Variants in CD86 observed in about 807,000 individuals in gnomAD.
CD86 encodes the protein CD86 molecule.
CD86 carries 11 observed loss-of-function variants against 32.1 expected under a neutral mutation model. The ratio of observed to expected loss-of-function variants is 0.34; its 90% CI spans 0.22 to 0.57. The LOEUF (loss-of-function observed/expected upper bound fraction) is 0.57. Ranked by LOEUF, CD86 falls within the 20% of genes least tolerant of loss-of-function variation. The pLI, the probability that CD86 is intolerant of heterozygous loss-of-function variation, is 0.86. For synonymous variants in CD86, 137 were observed against 135.3 expected, an observed-to-expected ratio of 1.01 and a Z score of -0.09; for missense variants, 359 against 398.4, an observed-to-expected ratio of 0.90 and a Z score of 0.84.
intron 2 of CD86, among the ~76,000 whole-genome samples, chr3:122,093,281 C>G (rs1343446300): frequency 6.6e-6 from 1 of 152,144 alleles, no homozygotes; most frequent in Non-Finnish European, 1.5e-5. Context: ...CTCAGCCTCC[C>G]CAAGTGCTAG....
In CD86 at chr3:122,119,638, A is replaced by G. The variant is rs2073312991; in HGVS notation, c.*104A>G. The G allele has an allele frequency of 2.8e-6, 2 of 707,678 alleles. No individual in the cohort carries two copies. Among genetic ancestry groups the G allele is most frequent in the South Asian group, 3.4e-5 (2 of 58,102 alleles). The allele number at this position is 707,678 out of a possible 1,614,324, so 43.8% of individuals were successfully genotyped here. The stretch of plus-strand genomic sequence containing the variant: ...TTCCAGAAGGCAAAAAGACATTACC[A>G]TGAGTAATAAGGGGGCTCCAGGACT... On this transcript the variant is annotated 3_prime_UTR_variant, in exon 7 of 7. Coordinates refer to ENST00000330540, the MANE Select transcript of CD86 (RefSeq NM_175862.5).
intron 5 of CD86, among the ~76,000 whole-genome samples, chr3:122,113,518 T>C (rs570461496): frequency 6.6e-6 from 1 of 152,338 alleles, no homozygotes; most frequent in Admixed American, 6.5e-5. Context: ...CAACATCTAT[T>C]ATTTTTTGAT....
Position 122,119,606 on chromosome 3 carries a change from T to A in CD86, c.*72T>A, listed in dbSNP as rs1189473360. On this transcript the variant is annotated 3_prime_UTR_variant, in exon 7 of 7. Transcript: ENST00000330540. ...TTTGTAAGTTCCTGGGCAACCTTTT[T>A]GATTTCTTCCAGAAGGCAAAAAGAC... 4.1e-6 allele frequency: 4 copies of A among 973,826 alleles called. No individual in the cohort carries two copies. The highest frequency in any genetic ancestry group is 6.5e-6 in the Non-Finnish European group (4 of 619,836). 60.3% of individuals were successfully genotyped at this position (973,826 alleles called of 1,614,324 possible). A position where few individuals can be genotyped will look rare whatever the true frequency, so the allele number is the denominator to read the frequency against.
chr3:122,084,666 T>A (rs1246893593), intron 1 of CD86, among the ~76,000 whole-genome samples: 9 of 152,126 alleles, frequency 5.9e-5, no homozygotes. Flanking sequence ...CTCGGGGTAG[T>A]GGGACATCTT....
chr3:122,061,553 T>C (rs2072335527), intron 1 of CD86, among the ~76,000 whole-genome samples: 1 of 151,996 alleles, frequency 6.6e-6, no homozygotes, highest in African/African-American at 2.4e-5. Context: ...GCAAAAGATA[T>C]AAAAAGACAT....
intron 2 of CD86, among the ~76,000 whole-genome samples, chr3:122,101,982 A>G (rs895170377): frequency 4.6e-5 from 7 of 152,018 alleles, no homozygotes; most frequent in African/African-American, 1.7e-4. Flanking sequence ...GAGTGTAGTG[A>G]AATAGGCAGT....
chr3:122,112,546 A>C (rs1400302031), intron 5 of CD86, among the ~76,000 whole-genome samples: 2 of 152,066 alleles, frequency 1.3e-5, no homozygotes, highest in Non-Finnish European at 2.9e-5. Flanking sequence ...CGATCTCTTG[A>C]CCTCGTGATC....
chr3:122,115,683 T>C (rs1316331706), intron 5 of CD86, among the ~76,000 whole-genome samples: 1 of 131,318 alleles, frequency 7.6e-6, no homozygotes, highest in Admixed American at 9.8e-5. Context: ...GAGGTTGCTG[T>C]GAGCTGAGAT....
chr3:122,073,968 C>A (rs1327270745), intron 1 of CD86, among the ~76,000 whole-genome samples: 2 of 152,182 alleles, frequency 1.3e-5, no homozygotes, highest in Non-Finnish European at 2.9e-5. Context: ...TCCTTTCCTG[C>A]AGCCCAGTCA....
At chr3:122,055,540 G>C in intron 1 of CD86, 37 bp downstream of exon 1, 3 of 1,604,634 alleles carry the variant, frequency 1.9e-6, no homozygotes, top group Non-Finnish European at 2.6e-6. Context: ...GAGAAGTTAT[G>C]AGTTGTGACT....
intron 2 of CD86, among the ~76,000 whole-genome samples, chr3:122,099,567 C>T (rs1159371676): frequency 6.6e-6 from 1 of 152,106 alleles, no homozygotes; most frequent in Non-Finnish European, 1.5e-5. Context: ...GCTCAATTGC[C>T]CAGTTGTAAG....
chr3:122,068,638 G>A (rs148954179), intron 1 of CD86, among the ~76,000 whole-genome samples: 3 of 152,282 alleles, frequency 2.0e-5, no homozygotes, highest in African/African-American at 7.2e-5. Flanking sequence ...GACATCACAG[G>A]TGTTGGTAGT....
intron 1 of CD86, among the ~76,000 whole-genome samples, chr3:122,088,873 T>A (rs539438095): frequency 6.6e-6 from 1 of 152,218 alleles, no homozygotes; most frequent in African/African-American, 2.4e-5. Context: ...GAGATATTCA[T>A]ACAGCCTTGT....
At chr3:122,097,976 G>A (rs1037144326) in intron 2 of CD86, among the ~76,000 whole-genome samples, 3 of 152,190 alleles carry the variant, frequency 2.0e-5, no homozygotes, top group African/African-American at 7.2e-5. Context: ...GCGGGAGGCT[G>A]AGATCTTGAT....
At chr3:122,072,125 A>G (rs2107508147) in intron 1 of CD86, among the ~76,000 whole-genome samples, 1 of 150,182 alleles carries the variant, frequency 6.7e-6, no homozygotes, top group South Asian at 2.1e-4. Context: ...AATCCAGTCT[A>G]TCATTGTTGG....
chr3:122,067,614 C>G (rs2072433013), intron 1 of CD86, among the ~76,000 whole-genome samples: 1 of 152,176 alleles, frequency 6.6e-6, no homozygotes, highest in Non-Finnish European at 1.5e-5. Context: ...TGCAGTCCAC[C>G]AAATGCAAAG....
chr3:122,064,358 AGATCTTCAG>A (rs2072383571), intron 1 of CD86, among the ~76,000 whole-genome samples: 1 of 152,210 alleles, frequency 6.6e-6, no homozygotes, highest in Admixed American at 6.5e-5. Context: ...TAAAATTGCC[AGATCTTCAG>A]TACAATTACA....
At chr3:122,071,712 T>G (rs1270729265) in intron 1 of CD86, among the ~76,000 whole-genome samples, 1 of 150,510 alleles carries the variant, frequency 6.6e-6, no homozygotes, top group Non-Finnish European at 1.5e-5. Flanking sequence ...TTTTACCATT[T>G]TGCATTCTTT....
At chr3:122,068,352 A>G (rs1257282720) in intron 1 of CD86, among the ~76,000 whole-genome samples, 1 of 149,068 alleles carries the variant, frequency 6.7e-6, no homozygotes, top group East Asian at 1.9e-4. Context: ...GCACACATAG[A>G]AAAAAAAAAT....
Sources: allele counts gnomAD v4.1 joint callset (sites outside exome capture counted in the v4.1 genomes callset), GRCh38; gene constraint gnomAD v4.1.1; transcripts MANE v1.5; gene names NCBI Gene and HGNC (gene_info 2026-07-23, HGNC 2026-07-21).